The following FHDC1 variants were observed in gnomAD, a reference collection of about 807,000 sequenced individuals.
FHDC1 encodes FH2 domain-containing protein 1.
FHDC1 carries 25 observed loss-of-function variants against 52.6 expected under a neutral mutation model. The ratio of observed to expected loss-of-function variants is 0.48; its 90% confidence interval spans 0.35 to 0.66. The LOEUF is 0.66. Among genes scored for constraint, FHDC1 ranks in the 30% least tolerant of loss-of-function variants. FHDC1 has a pLI of 0.01. For missense variants in FHDC1, 1,459 were observed against 1,452.8 expected (o/e 1.00, Z -0.07); for synonymous variants, 616 against 581.5 (o/e 1.06, Z -0.85).
the FHDC1 span, among the ~76,000 whole-genome samples, chr4:152,922,762 GATTATCTCAAT>G: frequency 6.6e-6 from 1 of 151,974 alleles, no homozygotes; most frequent in Admixed American, 6.6e-5. Flanking sequence ...AAAACCACAT[GATTATCTCAAT>G]AGATGCAGAA....
the FHDC1 span, among the ~76,000 whole-genome samples, chr4:152,921,927 C>T: frequency 6.6e-6 from 1 of 152,074 alleles, no homozygotes; most frequent in African/African-American, 2.4e-5. Context: ...AATTGACACC[C>T]TAACATCACA....
At chr4:152,945,708 C>T (rs1034521004) in intron 2 of FHDC1, among the ~76,000 whole-genome samples, 2 of 152,212 alleles carry the variant, frequency 1.3e-5, no homozygotes, top group African/African-American at 2.4e-5. Context: ...CCGCCCACCT[C>T]GGCCTCCCAA....
At chr4:152,969,752 C>T (rs1387324474) in intron 10 of FHDC1, among the ~76,000 whole-genome samples, 1 of 151,478 alleles carries the variant, frequency 6.6e-6, no homozygotes, top group Admixed American at 6.6e-5. Context: ...TCACTGCAAC[C>T]TCCACCTCCT....
At chr4:152,927,986 A>C in the FHDC1 span, 2 of 1,485,932 alleles carry the variant, frequency 1.3e-6, no homozygotes, top group East Asian at 2.3e-5. Flanking sequence ...AGATGACAAG[A>C]ATCAAGAGCC....
chr4:152,945,848 G>A (rs1739715750), intron 2 of FHDC1, among the ~76,000 whole-genome samples: 2 of 152,122 alleles, frequency 1.3e-5, no homozygotes, highest in Admixed American at 1.3e-4. Flanking sequence ...TTTTCGTGCT[G>A]CGGAACTGAA....
chr4:152,925,847 GAGA>G, the FHDC1 span, among the ~76,000 whole-genome samples: 1 of 143,912 alleles, frequency 6.9e-6, no homozygotes, highest in Non-Finnish European at 1.5e-5. Context: ...GGAGAAGAAG[GAGA>G]AGAAGGAGAG....
chr4:152,947,818 G>C (rs1022747673), intron 2 of FHDC1, among the ~76,000 whole-genome samples: 1 of 150,252 alleles, frequency 6.7e-6, no homozygotes, highest in African/African-American at 2.5e-5. Context: ...AGAAGAGAGA[G>C]AGAGAGAGAG....
At position 152,946,076 on chromosome 4, in the gene FHDC1, A is replaced by G. The variant is rs532881991; in HGVS notation, c.498+2521A>G. ...AGCATGTGTCAGAATTTTAAAGCTG[A>G]ATACTATTCCATTGTATATATAGAC... On this transcript the variant is annotated intron_variant, in intron 2 of 11. Transcript: ENST00000511601. Among the ~76,000 whole-genome samples, 33 of 152,348 alleles carry G rather than the reference A, an allele frequency of 2.2e-4. 1 individual carries two copies. Among genetic ancestry groups the G allele is most frequent in the Admixed American group, 1.6e-3 (25 of 15,300 alleles).
intron 1 of FHDC1, among the ~76,000 whole-genome samples, chr4:152,937,090 G>A (rs1463438887): frequency 1.2e-4 from 19 of 152,244 alleles, no homozygotes; most frequent in Admixed American, 1.2e-3. Context: ...CAAACAAGGG[G>A]TGTCCCCAGC....
intron 1 of FHDC1, among the ~76,000 whole-genome samples, chr4:152,937,378 C>T (rs1283302538): frequency 2.0e-5 from 3 of 152,150 alleles, no homozygotes; most frequent in Non-Finnish European, 4.4e-5. Flanking sequence ...CCGTCTCCCA[C>T]CCAACTTCTG....
At chr4:152,971,293 G>T (rs1579103459) in intron 10 of FHDC1, among the ~76,000 whole-genome samples, 1 of 152,136 alleles carries the variant, frequency 6.6e-6, no homozygotes, top group Non-Finnish European at 1.5e-5. Context: ...GAGGTCAAGG[G>T]TGCAGTGAGC....
At chr4:152,950,508 G>A (rs1418473400) in intron 2 of FHDC1, among the ~76,000 whole-genome samples, 2 of 152,148 alleles carry the variant, frequency 1.3e-5, no homozygotes, top group African/African-American at 4.8e-5. Flanking sequence ...TTTTCCCTTA[G>A]GAATATCACC....
Position 152,976,003 on chromosome 4 carries a change from G to A in FHDC1, c.2712G>A (p.Lys904=). 2.6e-6 allele frequency: 4 copies of A among 1,538,048 alleles called. No homozygotes were observed. The highest frequency in any genetic ancestry group is 3.5e-6 in the Non-Finnish European group (4 of 1,146,140). Residue 904 remains lysine (K), a synonymous_variant, in exon 12 of 12, where the codon AAG becomes AAA. Transcript: ENST00000511601. ...CCTCAGAGAACGAGAGCATGCGCAAGGTCATGCCCATCACCAAGTCCAGCA... is the reference window on the plus strand; with the variant it reads ...CCTCAGAGAACGAGAGCATGCGCAAAGTCATGCCCATCACCAAGTCCAGCA... ...LTASENESMR[K]VMPITKSSRG... is the part of the protein sequence containing the mutation.
At chr4:152,919,816 C>G in the FHDC1 span, among the ~76,000 whole-genome samples, 20 of 152,088 alleles carry the variant, frequency 1.3e-4, no homozygotes, top group African/African-American at 4.6e-4. Context: ...CCTACCTGTT[C>G]AAGTGTGTGG....
intron 2 of FHDC1, among the ~76,000 whole-genome samples, chr4:152,944,999 G>C (rs990682026): frequency 2.0e-5 from 3 of 152,136 alleles, no homozygotes; most frequent in African/African-American, 7.2e-5. Context: ...AGTAATTATT[G>C]GGTGGACCCA....
upstream of FHDC1, among the ~76,000 whole-genome samples, chr4:152,931,954 A>AC: frequency 8.6e-6 from 1 of 115,680 alleles, no homozygotes; most frequent in Non-Finnish European, 1.9e-5. Flanking sequence ...AAAAAAAAAA[A>AC]AAAAAAAAAA....
rs751298934 is a variant in FHDC1, at chr4:152,975,500, C to G, written c.2209C>G (p.Pro737Ala). 3 of 1,613,326 alleles carry G rather than the reference C, an allele frequency of 1.9e-6. No homozygotes were observed. The highest frequency in any genetic ancestry group is 2.5e-6 in the Non-Finnish European group (3 of 1,180,008). The change falls in exon 12 of 12, where the codon CCA (proline) becomes GCA (alanine). Residue 737 changes from proline (P) to alanine (A), a missense_variant. Pro to Ala is a conservative substitution (Grantham distance 27, BLOSUM62 -1). Transcript: ENST00000511601. ...CAGAGATGCCCTGGGGAGTCTCAGC[C>G]CAGCGCTGGAGGATGGCAAGGCTGC... is the stretch of plus-strand genomic sequence containing the variant. Reference protein sequence around the residue: ...MGRDALGSLSPALEDGKAAPD... With the variant: ...MGRDALGSLSAALEDGKAAPD...
In FHDC1 at chr4:152,943,439, C is replaced by A; in HGVS notation, c.382C>A (p.Gln128Lys). The change falls in exon 2 of 12, where the codon CAA becomes AAA. Residue 128 changes from glutamine to lysine, a missense_variant. This residue lies in a region of FHDC1 where 513 missense variants were observed against 581.5 expected (regional missense o/e 0.88). Transcript: ENST00000511601. ...GGCAGCCAGGCAGGAACATCACTAC[C>A]AAATTGATACAAAGACCATTGAGGA... ...TLAARQEHHY[Q>K]IDTKTIEELF... 1.9e-6 allele frequency: 3 copies of A among 1,614,104 alleles called. No homozygotes were observed. The highest frequency in any genetic ancestry group is 1.7e-6 in the Non-Finnish European group (2 of 1,180,024).
In FHDC1 at chr4:152,937,854, C is replaced by CAGCCGGTGGCGGCTG. The variant is rs1490567826; in HGVS notation, c.-131+1456_-131+1470dup. Among the ~76,000 whole-genome samples, 5 of 152,270 alleles carry CAGCCGGTGGCGGCTG rather than the reference C, an allele frequency of 3.3e-5. No individual in the cohort carries two copies. In the South Asian group the frequency reaches 8.3e-4, roughly 25 times the overall value. On this transcript the variant is annotated intron_variant, in intron 1 of 11. Coordinates refer to ENST00000511601, the MANE Select transcript of FHDC1 (RefSeq NM_001371116.1). ...CGCGGCTCCCCGGGGATTCGCGGCC[C>CAGCCGGTGGCGGCTG]AGCCGGTGGCGGCTGAGCCGGTGGC...
Sources: allele counts gnomAD v4.1 joint callset (sites outside exome capture counted in the v4.1 genomes callset), GRCh38; gene constraint gnomAD v4.1.1; regional missense constraint gnomAD v4.1.1; transcripts MANE v1.5; gene names NCBI Gene and HGNC (gene_info 2026-07-23, HGNC 2026-07-21).